The following DRC8 variants were observed in gnomAD, a reference collection of about 807,000 sequenced individuals.
DRC8 encodes the protein dynein regulatory complex protein 8.
chr1:244,972,044 C>T, the DRC8 span, among the ~76,000 whole-genome samples: 1 of 148,712 alleles, frequency 6.7e-6, no homozygotes, highest in African/African-American at 2.5e-5. Context: ...TTGGTTAGGT[C>T]AGCATGAGAA....
At chr1:245,081,144 T>A in the DRC8 span, among the ~76,000 whole-genome samples, 1 of 149,560 alleles carries the variant, frequency 6.7e-6, no homozygotes, top group East Asian at 1.9e-4. Flanking sequence ...TTATTTATTT[T>A]TTATTTTTTT....
chr1:244,998,229 G>A, the DRC8 span, among the ~76,000 whole-genome samples: 1 of 151,588 alleles, frequency 6.6e-6, no homozygotes, highest in East Asian at 1.9e-4. Context: ...TTTCTTTTGA[G>A]ACCAGGTCTT....
the DRC8 span, chr1:244,970,651 GCCCCGCC>G: frequency 1.2e-4 from 5 of 40,216 alleles, no homozygotes; most frequent in Non-Finnish European, 2.0e-4. Context: ...GCCCCGCCCC[GCCCCGCC>G]TCTCTCCCCC....
At chr1:245,008,268 C>T in the DRC8 span, among the ~76,000 whole-genome samples, 4 of 152,040 alleles carry the variant, frequency 2.6e-5, no homozygotes, top group Non-Finnish European at 4.4e-5. Context: ...TGGGACTCTA[C>T]ATGAGGCTTG....
chr1:245,015,232 T>C, the DRC8 span, among the ~76,000 whole-genome samples: 14 of 152,350 alleles, frequency 9.2e-5, no homozygotes, highest in Admixed American at 1.3e-4. Context: ...TCCTCCTGCC[T>C]GGGCCTACCA....
the DRC8 span, among the ~76,000 whole-genome samples, chr1:244,984,959 C>G: frequency 6.6e-6 from 1 of 151,524 alleles, no homozygotes; most frequent in East Asian, 1.9e-4. Flanking sequence ...ATTTATTATG[C>G]TGTAAATCTG....
chr1:245,099,152 A>G, the DRC8 span, among the ~76,000 whole-genome samples: 1 of 152,080 alleles, frequency 6.6e-6, no homozygotes, highest in Non-Finnish European at 1.5e-5. Context: ...GAACATGACA[A>G]CTGTTGAACA....
the DRC8 span, among the ~76,000 whole-genome samples, chr1:245,015,424 G>C: frequency 6.6e-6 from 1 of 152,102 alleles, no homozygotes; most frequent in Non-Finnish European, 1.5e-5. Context: ...AATATATCCA[G>C]AATCTGCCGG....
the DRC8 span, among the ~76,000 whole-genome samples, chr1:245,055,630 CCTT>C: frequency 6.4e-4 from 97 of 152,210 alleles, no homozygotes; most frequent in East Asian, 0.012. Context: ...GCCTGTTTCT[CCTT>C]CTATTTTCTG....
the DRC8 span, among the ~76,000 whole-genome samples, chr1:245,001,513 G>A: frequency 1.3e-5 from 2 of 152,166 alleles, no homozygotes; most frequent in Non-Finnish European, 2.9e-5. Context: ...ACATGTAACT[G>A]GCCTGGGACT....
chr1:245,092,874 G>A, the DRC8 span, among the ~76,000 whole-genome samples: 1 of 152,160 alleles, frequency 6.6e-6, no homozygotes, highest in African/African-American at 2.4e-5. Context: ...GGGTGACAGA[G>A]AGAGACCTTG....
the DRC8 span, among the ~76,000 whole-genome samples, chr1:245,042,580 C>T: frequency 5.9e-5 from 9 of 152,216 alleles, no homozygotes; most frequent in Non-Finnish European, 8.8e-5. Context: ...TAAACGATAC[C>T]AGCACATCAT....
At chr1:244,970,512 G>A in the DRC8 span, 14 of 1,503,866 alleles carry the variant, frequency 9.3e-6, no homozygotes, top group East Asian at 3.2e-4. Context: ...ACGGGGAAGC[G>A]CCGGGTGGGG....
the DRC8 span, among the ~76,000 whole-genome samples, chr1:245,040,386 C>G: frequency 1.3e-5 from 2 of 152,154 alleles, 1 homozygote; most frequent in Non-Finnish European, 2.9e-5. Context: ...GAATCACACT[C>G]GCCATCAAGA....
chr1:244,987,470 G>A, the DRC8 span, among the ~76,000 whole-genome samples: 1 of 151,996 alleles, frequency 6.6e-6, no homozygotes, highest in East Asian at 1.9e-4. Flanking sequence ...CTGCCAAAGT[G>A]CTGGGATTAC....
At chr1:244,970,495 G>A in the DRC8 span, 12 of 1,516,382 alleles carry the variant, frequency 7.9e-6, no homozygotes, top group South Asian at 2.4e-5. Context: ...CCGCGACCCC[G>A]GGCTGCACGG....
the DRC8 span, among the ~76,000 whole-genome samples, chr1:245,065,008 C>T: frequency 6.9e-6 from 1 of 144,724 alleles, no homozygotes; most frequent in Non-Finnish European, 1.5e-5. Flanking sequence ...TTTCTTTTTT[C>T]TGTTTTTTGG....
At chr1:244,991,600 A>G in the DRC8 span, among the ~76,000 whole-genome samples, 1 of 152,102 alleles carries the variant, frequency 6.6e-6, no homozygotes, top group African/African-American at 2.4e-5. Flanking sequence ...TGCCCTTTGT[A>G]TACATTATGA....
chr1:245,076,614 T>C, the DRC8 span, among the ~76,000 whole-genome samples: 4 of 152,230 alleles, frequency 2.6e-5, no homozygotes, highest in Non-Finnish European at 4.4e-5. Flanking sequence ...TCTGATATAA[T>C]ATATGGAATC....
Sources: gnomAD v4.1 joint callset for allele counts (sites outside exome capture counted in the v4.1 genomes callset) on GRCh38, gnomAD v4.1.1 for gene constraint, MANE v1.5 for transcripts, NCBI Gene and HGNC (gene_info 2026-07-23, HGNC 2026-07-21) for gene names.